KPNA1: variants seen among roughly 807,000 people sequenced by gnomAD.
KPNA1 encodes karyopherin subunit alpha 1.
In KPNA1, 10 loss-of-function variants were observed where a neutral mutation model predicts 70.5. That is an observed-to-expected ratio of 0.14 (90% confidence interval 0.09 to 0.24). KPNA1 has a LOEUF of 0.24. Among genes scored for constraint, KPNA1 ranks in the 10% least tolerant of loss-of-function variants. KPNA1 has a pLI of 1.00. For synonymous variants in KPNA1, 192 were observed against 221.9 expected (o/e 0.87, Z 1.20); for missense variants, 397 against 637.9 (o/e 0.62, Z 4.07).
In KPNA1 at chr3:122,432,461, A is replaced by C. The variant is rs149041474; in HGVS notation, c.1250+1200T>G. ...GTTACTATTTTTATTTTTTAATTCCAAACAGAACACTCAAAACTAGCATCT... is the reference window on the plus strand; with the variant it reads ...GTTACTATTTTTATTTTTTAATTCCCAACAGAACACTCAAAACTAGCATCT... On this transcript the variant is annotated intron_variant, in intron 12 of 13. Coordinates refer to ENST00000344337, the MANE Select transcript of KPNA1 (RefSeq NM_002264.4). The C allele has an allele frequency of 1.7e-4, 26 of 152,322 alleles. No individual in the cohort carries two copies. In the East Asian group the frequency reaches 3.5e-3, roughly 20 times the overall value. 9.4% of individuals were successfully genotyped at this position (152,322 alleles called of 1,614,324 possible). A position where few individuals can be genotyped will look rare whatever the true frequency, so the allele number is the denominator to read the frequency against.
At chr3:122,492,832 T>C (rs1354191311) in intron 2 of KPNA1, among the ~76,000 whole-genome samples, 1 of 152,230 alleles carries the variant, frequency 6.6e-6, no homozygotes, top group Non-Finnish European at 1.5e-5. Context: ...TTTACGGCAA[T>C]GGTCATTCAC....
At chr3:122,492,441 T>A (rs73190152) in intron 2 of KPNA1, among the ~76,000 whole-genome samples, 20,207 of 152,200 alleles carry the variant, frequency 0.13, 1,420 homozygotes, top group Middle Eastern at 0.27. Flanking sequence ...AATGAAATTT[T>A]AAAAATTTCT....
At chr3:122,493,429 C>T (rs997498610) in intron 2 of KPNA1, among the ~76,000 whole-genome samples, 2 of 151,196 alleles carry the variant, frequency 1.3e-5, no homozygotes, top group East Asian at 1.9e-4. Context: ...AAACAATATA[C>T]GAGTTAGAGT....
In KPNA1 at chr3:122,446,337, G is replaced by T. The variant is rs985728468; in HGVS notation, c.917+3237C>A. On this transcript the variant is annotated intron_variant, in intron 9 of 13. Coordinates refer to ENST00000344337, the MANE Select transcript of KPNA1 (RefSeq NM_002264.4). The stretch of plus-strand genomic sequence containing the variant: ...AACAAACTGTCTTTCAGACCAGAGT[G>T]CAATCAAATTAGAACTCAGGATTAA... Among the ~76,000 whole-genome samples, 3 of 152,208 alleles carry T rather than the reference G, an allele frequency of 2.0e-5. No homozygotes were observed. In the East Asian group the frequency reaches 5.8e-4, roughly 29 times the overall value.
chr3:122,509,139 G>A (rs916149644), intron 1 of KPNA1, among the ~76,000 whole-genome samples: 10 of 151,710 alleles, frequency 6.6e-5, no homozygotes, highest in Non-Finnish European at 8.8e-5. Flanking sequence ...CCAGCTACTC[G>A]TGAGGCTGAG....
At position 122,496,500 on chromosome 3, in the gene KPNA1, A is replaced by T. The variant is rs2076763053; in HGVS notation, c.66T>A (p.Asp22Glu). 1 of 1,611,436 alleles carries T rather than the reference A, an allele frequency of 6.2e-7. No homozygotes were observed. Among genetic ancestry groups the T allele is most frequent in the African/African-American group, 1.3e-5 (1 of 74,936 alleles). The stretch of plus-strand genomic sequence containing the variant: ...CTTCCTCCCTCCTCCTGCGCATCTC[A>T]TCGGGATTCAGAGATTTGTTCTTGT... Reference protein sequence around the residue: ...KSYKNKSLNPDEMRRRREEEG... With the variant: ...KSYKNKSLNPEEMRRRREEEG... The change falls in exon 2 of 14, where the codon GAT (aspartate) becomes GAA (glutamate). Residue 22 changes from aspartate (D) to glutamate (E), a missense_variant. Coordinates refer to ENST00000344337, the MANE Select transcript of KPNA1 (RefSeq NM_002264.4).
intron 4 of KPNA1, among the ~76,000 whole-genome samples, chr3:122,462,276 G>A (rs2076332803): frequency 6.6e-6 from 1 of 151,920 alleles, no homozygotes; most frequent in Admixed American, 6.5e-5. Context: ...TTTTTAAATG[G>A]CAATTTTTAA....
At chr3:122,478,894 CAAAAAAAAAAAAAAAA>C (rs57843662) in intron 2 of KPNA1, among the ~76,000 whole-genome samples, 1 of 18,684 alleles carries the variant, frequency 5.4e-5, no homozygotes, top group Non-Finnish European at 8.8e-5. Context: ...AACCTCGTCT[CAAAAAAAAAAAAAAAA>C]AAAAAAAAAA....
Position 122,449,615 on chromosome 3 carries a change from G to A in KPNA1, c.876C>T (p.Val292=), listed in dbSNP as rs374061613. ...SDGPNDKIQA[V]IDAGVCRRLV... is the part of the protein sequence containing the mutation. ...GTCTCCTACATACTCCCGCATCGAT[G>A]ACCGCTTGAATTTTATCATTGGGTC... The change falls in exon 9 of 14, where the codon GTC becomes GTT. Residue 292 remains valine, a synonymous_variant. Transcript: ENST00000344337. 16 of 1,613,732 alleles carry A rather than the reference G, an allele frequency of 9.9e-6. No individual in the cohort carries two copies. In the African/African-American group the frequency reaches 2.1e-4, roughly 22 times the overall value.
intron 6 of KPNA1, among the ~76,000 whole-genome samples, chr3:122,452,287 A>G (rs2076210757): frequency 6.6e-6 from 1 of 151,914 alleles, no homozygotes; most frequent in African/African-American, 2.4e-5. Flanking sequence ...TTGTTTTTTG[A>G]TACAGAATCT....
intron 13 of KPNA1, 96 bp from the exon 14 acceptor site, chr3:122,427,268 T>G (rs1316316646): frequency 3.8e-5 from 35 of 914,102 alleles, no homozygotes; most frequent in Non-Finnish European, 5.6e-5. Context: ...TTGTCATATA[T>G]CTCTGTTCTT....
At position 122,426,835 on chromosome 3, in the gene KPNA1, A is replaced by G; in HGVS notation, c.*150T>C. Reference sequence around the variant, plus strand: ...AGCCGGAGGTTTTCCAGATGTGTGTAAGAGAGCAGGTGCGCAAGGCAAGCA... The same window carrying G: ...AGCCGGAGGTTTTCCAGATGTGTGTGAGAGAGCAGGTGCGCAAGGCAAGCA... On this transcript the variant is annotated 3_prime_UTR_variant, in exon 14 of 14. Coordinates refer to ENST00000344337, the MANE Select transcript of KPNA1 (RefSeq NM_002264.4). The G allele has an allele frequency of 5.0e-6, 3 of 603,036 alleles. No individual in the cohort carries two copies. Among genetic ancestry groups the G allele is most frequent in the Non-Finnish European group, 8.6e-6 (3 of 347,582 alleles). 37.4% of individuals were successfully genotyped at this position (603,036 alleles called of 1,614,324 possible).
chr3:122,495,390 G>A (rs2076747807), intron 2 of KPNA1, among the ~76,000 whole-genome samples: 1 of 151,814 alleles, frequency 6.6e-6, no homozygotes, highest in African/African-American at 2.4e-5. Context: ...ATTCAAAGAT[G>A]ATAAAGCAGG....
intron 9 of KPNA1, 93 bp downstream of exon 9, chr3:122,449,481 A>G: frequency 1.0e-6 from 1 of 998,248 alleles, no homozygotes; most frequent in Non-Finnish European, 1.5e-6. Context: ...TAAATCAATT[A>G]TCATGTACAA....
At position 122,449,650 on chromosome 3, in the gene KPNA1, G is replaced by C; in HGVS notation, c.841C>G (p.Leu281Val). Reference sequence around the variant, plus strand: ...ATTTTATCATTGGGTCCATCTGATAGATATGAGAGGGCCCAGCAGGCATCA... The same window carrying C: ...ATTTTATCATTGGGTCCATCTGATACATATGAGAGGGCCCAGCAGGCATCA... ...LADACWALSY[L>V]SDGPNDKIQA... Residue 281 changes from leucine (L) to valine (V), a missense_variant, in exon 9 of 14, where the codon CTA becomes GTA. Physicochemically the swap from Leu to Val is conservative, Grantham distance 32 (BLOSUM62 1). Transcript: ENST00000344337. 6.2e-7 allele frequency: 1 copy of C among 1,613,890 alleles called. No homozygotes were observed. Among genetic ancestry groups the C allele is most frequent in the Non-Finnish European group, 8.5e-7 (1 of 1,179,820 alleles).
chr3:122,505,876 C>T (rs1372123373), intron 1 of KPNA1, among the ~76,000 whole-genome samples: 1 of 152,224 alleles, frequency 6.6e-6, no homozygotes, highest in African/African-American at 2.4e-5. Context: ...AGCTCTAAAC[C>T]AGCATTCTTA....
rs1296419359 is a variant in KPNA1, at chr3:122,423,044, T to G, written c.*3941A>C. ...CCATTGTTATAACCTGTATATAACCTGTAATCCTGAACTGCTGGGATTACA... is the reference window on the plus strand; with the variant it reads ...CCATTGTTATAACCTGTATATAACCGGTAATCCTGAACTGCTGGGATTACA... On this transcript the variant is annotated 3_prime_UTR_variant, in exon 14 of 14. Transcript: ENST00000344337. 6.6e-6 allele frequency: 1 copy of G among 152,218 alleles called. No individual in the cohort carries two copies. The highest frequency in any genetic ancestry group is 1.5e-5 in the Non-Finnish European group (1 of 68,032). 9.4% of individuals were successfully genotyped at this position (152,218 alleles called of 1,614,324 possible).
chr3:122,510,604 AGT>A (rs781376934), intron 1 of KPNA1, among the ~76,000 whole-genome samples: 9 of 152,230 alleles, frequency 5.9e-5, no homozygotes, highest in Non-Finnish European at 1.3e-4. Flanking sequence ...TGGTAGAGAC[AGT>A]GTGTGCATAT....
At chr3:122,501,051 C>T (rs1190957145) in intron 1 of KPNA1, among the ~76,000 whole-genome samples, 2 of 134,756 alleles carry the variant, frequency 1.5e-5, no homozygotes, top group African/African-American at 5.5e-5. Flanking sequence ...TTTTTTGAGA[C>T]AGAGTCTCAC....
Sources: gnomAD v4.1 joint callset for allele counts (sites outside exome capture counted in the v4.1 genomes callset) on GRCh38, gnomAD v4.1.1 for gene constraint, MANE v1.5 for transcripts, NCBI Gene and HGNC (gene_info 2026-07-23, HGNC 2026-07-21) for gene names.